Variants in SMCP observed in about 807,000 individuals in gnomAD.
SMCP encodes sperm mitochondria associated cysteine rich protein.
For synonymous variants in SMCP, 41 were observed against 46.9 expected, an observed-to-expected ratio of 0.87 and a Z score of 0.51; for missense variants, 137 against 137.1, an observed-to-expected ratio of 1.00 and a Z score of 0.01.
chr1:152,884,692 C>T lies in SMCP; in HGVS notation c.270C>T (p.Asn90=). The T allele has an allele frequency of 6.2e-7, 1 of 1,614,210 alleles. No individual in the cohort carries two copies. Among genetic ancestry groups the T allele is most frequent in the Non-Finnish European group, 8.5e-7 (1 of 1,180,032 alleles). The change falls in exon 2 of 2, where the codon AAC becomes AAT. Residue 90 remains asparagine, a synonymous_variant. Transcript: ENST00000368765. ...CCCTTAACATGGAGTCTGAGCCCAA[C>T]TCACCGCAAACTCAGGACAAGGGCT... is the stretch of plus-strand genomic sequence containing the variant. ...VSPLNMESEP[N]SPQTQDKGCQ... is the part of the protein sequence containing the mutation.
At chr1:152,883,768 C>A (rs576903367) in intron 1 of SMCP, among the ~76,000 whole-genome samples, 1 of 152,298 alleles carries the variant, frequency 6.6e-6, no homozygotes, top group East Asian at 1.9e-4. Flanking sequence ...ATGCCAAGAG[C>A]ACTGTACTTT....
rs74130561 is a variant in SMCP at position 152,881,377 on chromosome 1, C to A, written c.-21+2931C>A. Among the ~76,000 whole-genome samples the A allele has an allele frequency of 8.3e-3, 1,257 of 152,170 alleles. 18 individuals carry two copies. Among genetic ancestry groups the A allele is most frequent in the African/African-American group, 0.029 (1,185 of 41,534 alleles). ...TTTGTCCTACTGGGGTGGATTAGTC[C>A]ATTTCCACACTGCTATAAAGATACT... On this transcript the variant is annotated intron_variant, in intron 1 of 1. Transcript: ENST00000368765.
intron 1 of SMCP, among the ~76,000 whole-genome samples, chr1:152,882,815 G>A (rs1336758194): frequency 2.6e-5 from 4 of 152,184 alleles, no homozygotes; most frequent in Non-Finnish European, 4.4e-5. Context: ...AGGCTGAGGT[G>A]GTCAGATCAC....
intron 1 of SMCP, among the ~76,000 whole-genome samples, chr1:152,881,304 A>C (rs1196760956): frequency 6.6e-6 from 1 of 152,118 alleles, no homozygotes; most frequent in Non-Finnish European, 1.5e-5. Context: ...TTTAGCAACC[A>C]CCTGACTGGA....
intron 1 of SMCP, among the ~76,000 whole-genome samples, chr1:152,881,605 G>A (rs1239354071): frequency 1.3e-5 from 2 of 149,848 alleles, no homozygotes; most frequent in African/African-American, 2.5e-5. Flanking sequence ...GGAGAATGGC[G>A]TGAACCCGGG....
At chr1:152,880,189 A>G (rs1414998676) in intron 1 of SMCP, among the ~76,000 whole-genome samples, 4 of 152,134 alleles carry the variant, frequency 2.6e-5, no homozygotes, top group Admixed American at 2.6e-4. Flanking sequence ...TAAAAACAGA[A>G]GGGGCTCACT....
In SMCP at chr1:152,878,388, G is replaced by A. The variant is rs985297576; in HGVS notation, c.-79G>A. 1 of 152,626 alleles carries A rather than the reference G, an allele frequency of 6.6e-6. No individual in the cohort carries two copies. Among genetic ancestry groups the A allele is most frequent in the African/African-American group, 2.4e-5 (1 of 41,432 alleles). 9.5% of individuals were successfully genotyped at this position (152,626 alleles called of 1,614,324 possible). On this transcript the variant is annotated 5_prime_UTR_variant, in exon 1 of 2. Transcript: ENST00000368765. Reference sequence around the variant, plus strand: ...CTGAGGAAGATCAATAATACCTACTGGAATCAGTCATGAGAAGTCAAGCAT... The same window carrying A: ...CTGAGGAAGATCAATAATACCTACTAGAATCAGTCATGAGAAGTCAAGCAT...
rs961461457 is a variant in SMCP, at chr1:152,878,353, C to T, written c.-114C>T. 6.6e-6 allele frequency: 1 copy of T among 152,652 alleles called. No homozygotes were observed. The highest frequency in any genetic ancestry group is 1.5e-5 in the Non-Finnish European group (1 of 68,086). The allele number at this position is 152,652 out of a possible 1,614,324, so 9.5% of individuals were successfully genotyped here. Reference sequence around the variant, plus strand: ...CTTTGGCTTCTGATAGTCATGGACTCACTAGGCTGCTGAGGAAGATCAATA... The same window carrying T: ...CTTTGGCTTCTGATAGTCATGGACTTACTAGGCTGCTGAGGAAGATCAATA... On this transcript the variant is annotated 5_prime_UTR_variant, in exon 1 of 2. Transcript: ENST00000368765.
At chr1:152,880,950 G>T (rs1000793199) in intron 1 of SMCP, among the ~76,000 whole-genome samples, 1 of 152,038 alleles carries the variant, frequency 6.6e-6, no homozygotes, top group Non-Finnish European at 1.5e-5. Flanking sequence ...TCAAACATAG[G>T]GGTCCTTATA....
chr1:152,880,298 AC>A (rs1378851796), intron 1 of SMCP, among the ~76,000 whole-genome samples: 1 of 152,010 alleles, frequency 6.6e-6, no homozygotes, highest in Admixed American at 6.5e-5. Context: ...CTCCCTGCAT[AC>A]CCCGGCACAC....
intron 1 of SMCP, among the ~76,000 whole-genome samples, chr1:152,882,714 G>A (rs932018276): frequency 6.6e-6 from 1 of 152,172 alleles, no homozygotes; most frequent in South Asian, 2.1e-4. Flanking sequence ...TGTGTGCTTA[G>A]TGGAAAGCCC....
Position 152,883,885 on chromosome 1 carries a change from A to C in SMCP, c.-20-518A>C, listed in dbSNP as rs148303400. On this transcript the variant is annotated intron_variant, in intron 1 of 1. Transcript: ENST00000368765. ...ACTCTAAGTGCAAGAGTTTCATTGC[A>C]CCTGGGTCCATGGGTGCCACATTAG... is the stretch of plus-strand genomic sequence containing the variant. 2.5e-3 allele frequency among the ~76,000 whole-genome samples: 386 copies of C among 152,326 alleles called. 2 individuals are homozygous for C. The highest frequency in any genetic ancestry group is 8.9e-3 in the African/African-American group (371 of 41,568).
intron 1 of SMCP, among the ~76,000 whole-genome samples, chr1:152,883,518 T>C (rs1031089481): frequency 6.6e-6 from 1 of 152,154 alleles, no homozygotes; most frequent in African/African-American, 2.4e-5. Flanking sequence ...AGGAGGAAGA[T>C]GGGTAGATAG....
At chr1:152,884,350 G>A in intron 1 of SMCP, 53 bp from the exon 2 acceptor site, 2 of 1,450,822 alleles carry the variant, frequency 1.4e-6, no homozygotes, top group Non-Finnish European at 1.9e-6. Context: ...AGGAGGAAAT[G>A]AAAGCAGGCA....
chr1:152,880,527 C>T (rs1648999889), intron 1 of SMCP, among the ~76,000 whole-genome samples: 1 of 152,164 alleles, frequency 6.6e-6, no homozygotes, highest in Admixed American at 6.5e-5. Flanking sequence ...CTCTCTCCTT[C>T]CTGTTCTCTC....
intron 1 of SMCP, among the ~76,000 whole-genome samples, chr1:152,879,321 A>C (rs1288831419): frequency 6.6e-6 from 1 of 152,112 alleles, no homozygotes; most frequent in East Asian, 1.9e-4. Context: ...CCCGGATTCA[A>C]GTGATTCTCC....
At chr1:152,880,979 C>CAAGCCTTCTCAGGCATATGCCAGGGG (rs1649010470) in intron 1 of SMCP, among the ~76,000 whole-genome samples, 1 of 117,430 alleles carries the variant, frequency 8.5e-6, no homozygotes, top group Non-Finnish European at 1.8e-5. Context: ...CACTGTGCTC[C>CAAGCCTTCTCAGGCATATGCCAGGGG]CCTCCTTCCC....
chr1:152,882,855 C>G (rs1456671691), intron 1 of SMCP, among the ~76,000 whole-genome samples: 1 of 152,170 alleles, frequency 6.6e-6, no homozygotes, highest in African/African-American at 2.4e-5. Context: ...ACCAGCCTGG[C>G]TAACATGGCA....
intron 1 of SMCP, among the ~76,000 whole-genome samples, chr1:152,883,341 G>A (rs916797022): frequency 4.6e-5 from 7 of 152,122 alleles, no homozygotes; most frequent in African/African-American, 1.7e-4. Flanking sequence ...CTGTTTCCTG[G>A]CCACTTCTAG....
Sources: allele counts gnomAD v4.1 joint callset (sites outside exome capture counted in the v4.1 genomes callset), GRCh38; gene constraint gnomAD v4.1.1; transcripts MANE v1.5; gene names NCBI Gene and HGNC (gene_info 2026-07-23, HGNC 2026-07-21).